The following COMMD1 variants were observed in gnomAD, a reference collection of about 807,000 sequenced individuals.
COMMD1 encodes the protein copper metabolism domain containing 1, also known as COMM domain-containing protein 1.
A neutral mutation model predicts 17.2 loss-of-function variants in COMMD1; 10 were observed. The ratio of observed to expected loss-of-function variants is 0.58; its 90% confidence interval spans 0.36 to 0.99. The LOEUF is 0.99. Ranked by LOEUF, COMMD1 falls within the 50% of genes least tolerant of loss-of-function variation. The pLI is 0.01. For missense variants in COMMD1, 270 were observed against 231.8 expected (o/e 1.17, Z -1.07); for synonymous variants, 97 against 91.6 (o/e 1.06, Z -0.34).
At chr2:62,084,458 A>G (rs1307368303) in intron 2 of COMMD1, among the ~76,000 whole-genome samples, 1 of 152,164 alleles carries the variant, frequency 6.6e-6, no homozygotes, top group Non-Finnish European at 1.5e-5. Context: ...GATCCTCATA[A>G]AGCTCTTCAT....
intron 1 of COMMD1, among the ~76,000 whole-genome samples, chr2:61,980,688 A>T (rs10195929): frequency 2.3e-4 from 34 of 146,324 alleles, no homozygotes; most frequent in African/African-American, 8.1e-4. Flanking sequence ...ATTTTCTCCC[A>T]TGTTGTAGGT....
At chr2:61,923,265 A>G (rs565145145) in intron 1 of COMMD1, among the ~76,000 whole-genome samples, 2 of 152,290 alleles carry the variant, frequency 1.3e-5, no homozygotes, top group Non-Finnish European at 2.9e-5. Flanking sequence ...GGTAAACTAA[A>G]TGATGGATGA....
intron 1 of COMMD1, among the ~76,000 whole-genome samples, chr2:61,963,220 CAT>C (rs1455743948): frequency 1.9e-4 from 25 of 133,260 alleles, no homozygotes; most frequent in South Asian, 9.2e-4. Context: ...CACACACACA[CAT>C]ATATACATAT....
At chr2:61,938,124 T>C (rs1423805703) in intron 1 of COMMD1, among the ~76,000 whole-genome samples, 3 of 152,084 alleles carry the variant, frequency 2.0e-5, no homozygotes, top group African/African-American at 7.2e-5. Flanking sequence ...CGGGTGATGG[T>C]TCAGCAATTA....
intron 1 of COMMD1, among the ~76,000 whole-genome samples, chr2:61,923,887 C>G (rs1670258320): frequency 6.6e-6 from 1 of 152,162 alleles, no homozygotes; most frequent in South Asian, 2.1e-4. Flanking sequence ...AGCCATCCTC[C>G]CACCTCAGCC....
chr2:62,094,548 A>G (rs1231190213), intron 2 of COMMD1, among the ~76,000 whole-genome samples: 1 of 152,222 alleles, frequency 6.6e-6, no homozygotes, highest in East Asian at 1.9e-4. Flanking sequence ...CATTTAAACA[A>G]GGTGATAAAC....
intron 2 of COMMD1, among the ~76,000 whole-genome samples, chr2:62,121,651 T>C (rs1672750243): frequency 6.6e-6 from 1 of 151,276 alleles, no homozygotes; most frequent in African/African-American, 2.4e-5. Context: ...GGTAGGAGAA[T>C]TGCTGGAACC....
At chr2:62,090,710 T>C (rs868046912) in intron 2 of COMMD1, 12 of 152,254 alleles carry the variant, frequency 7.9e-5, no homozygotes, top group Non-Finnish European at 1.8e-4. Flanking sequence ...CCAGATGTTA[T>C]GTCCCGTTGG....
At chr2:61,921,833 C>A (rs1342563669) in intron 1 of COMMD1, among the ~76,000 whole-genome samples, 1 of 152,206 alleles carries the variant, frequency 6.6e-6, no homozygotes, top group African/African-American at 2.4e-5. Flanking sequence ...AAAAAACAAC[C>A]TTGATCTCTA....
At chr2:62,094,736 G>C (rs1671951871) in intron 2 of COMMD1, among the ~76,000 whole-genome samples, 1 of 151,402 alleles carries the variant, frequency 6.6e-6, no homozygotes, top group African/African-American at 2.4e-5. Flanking sequence ...CTTCTGCTCA[G>C]CTTTGAGTTT....
chr2:61,961,036 A>T (rs1051236369), intron 1 of COMMD1, among the ~76,000 whole-genome samples: 2 of 152,146 alleles, frequency 1.3e-5, no homozygotes, highest in African/African-American at 4.8e-5. Flanking sequence ...GCGCCTCCCC[A>T]CGAGGGAGGG....
At chr2:61,985,374 T>C (rs1315963251) in intron 1 of COMMD1, among the ~76,000 whole-genome samples, 1 of 152,120 alleles carries the variant, frequency 6.6e-6, no homozygotes, top group Non-Finnish European at 1.5e-5. Context: ...ATAGGTGAAG[T>C]GTGTTTCTTT....
At chr2:61,894,519 A>T (rs951599781) in intron 1 of COMMD1, among the ~76,000 whole-genome samples, 2 of 152,132 alleles carry the variant, frequency 1.3e-5, no homozygotes, top group Non-Finnish European at 2.9e-5. Context: ...AAATACAAGG[A>T]TTTCTTGTAT....
At chr2:62,130,264 A>T (rs1327426105) in intron 2 of COMMD1, among the ~76,000 whole-genome samples, 1 of 149,760 alleles carries the variant, frequency 6.7e-6, no homozygotes, top group Non-Finnish European at 1.5e-5. Context: ...AGCCAGCTTT[A>T]TGTGACTTTT....
intron 2 of COMMD1, among the ~76,000 whole-genome samples, chr2:62,134,697 T>C (rs552471812): frequency 6.6e-6 from 1 of 152,138 alleles, no homozygotes; most frequent in South Asian, 2.1e-4. Flanking sequence ...AGGATCACTT[T>C]AGCCCAGGAG....
intron 1 of COMMD1, among the ~76,000 whole-genome samples, chr2:61,930,033 C>T (rs935196028): frequency 2.0e-5 from 3 of 152,004 alleles, no homozygotes; most frequent in African/African-American, 7.2e-5. Context: ...TTTTTCCTCC[C>T]CTACAACCTT....
At chr2:62,072,723 C>T (rs528521148) in intron 2 of COMMD1, among the ~76,000 whole-genome samples, 21 of 152,316 alleles carry the variant, frequency 1.4e-4, no homozygotes, top group East Asian at 3.9e-4. Context: ...TCTGAGTTTT[C>T]GGGCACCACC....
chr2:61,931,011 C>A (rs1240665118), intron 1 of COMMD1, among the ~76,000 whole-genome samples: 1 of 151,918 alleles, frequency 6.6e-6, no homozygotes, highest in African/African-American at 2.4e-5. Flanking sequence ...TATACACAGG[C>A]AGTAATTAAA....
At chr2:62,116,850 C>A (rs1401884142) in intron 2 of COMMD1, among the ~76,000 whole-genome samples, 1 of 150,718 alleles carries the variant, frequency 6.6e-6, no homozygotes, top group Non-Finnish European at 1.5e-5. Flanking sequence ...ACAAAACTAG[C>A]CGAGCATGGT....
Sources: gnomAD v4.1 joint callset for allele counts (sites outside exome capture counted in the v4.1 genomes callset) on GRCh38, gnomAD v4.1.1 for gene constraint, MANE v1.5 for transcripts, NCBI Gene and HGNC (gene_info 2026-07-23, HGNC 2026-07-21) for gene names.